The following FAM174B variants were observed in gnomAD, a reference collection of about 807,000 sequenced individuals.
FAM174B encodes family with sequence similarity 174 member B.
In FAM174B, 12 loss-of-function variants were observed where a neutral mutation model predicts 10.9. The observed-to-expected ratio is 1.10, with a 90% CI of 0.71 to 1.79. The LOEUF (loss-of-function observed/expected upper bound fraction) is 1.79. Ranked by LOEUF, FAM174B falls within the 40% of genes most tolerant of loss-of-function variation. The pLI is 0.00. For synonymous variants in FAM174B, 132 were observed against 115.8 expected, an observed-to-expected ratio of 1.14 and a Z score of -0.90; for missense variants, 266 against 233.3, an observed-to-expected ratio of 1.14 and a Z score of -0.91.
intron 1 of FAM174B, 96 bp from the exon 2 acceptor site, chr15:92,630,441 G>A (rs1346087656): frequency 8.3e-7 from 1 of 1,197,858 alleles, no homozygotes; most frequent in East Asian, 2.6e-5. Context: ...CTTAGCAGCT[G>A]GTGTTTAGTC....
At chr15:92,644,162 C>T (rs1253157559) in intron 1 of FAM174B, among the ~76,000 whole-genome samples, 1 of 152,148 alleles carries the variant, frequency 6.6e-6, no homozygotes, top group Non-Finnish European at 1.5e-5. Context: ...AGCCTCTGCC[C>T]CACCCTGTAA....
chr15:92,637,716 G>C (rs2050864921), intron 1 of FAM174B, among the ~76,000 whole-genome samples: 1 of 152,184 alleles, frequency 6.6e-6, no homozygotes, highest in South Asian at 2.1e-4. Flanking sequence ...CTTTCAATGA[G>C]GACAAACAAC....
chr15:92,636,392 G>A (rs2050856471), intron 1 of FAM174B, among the ~76,000 whole-genome samples: 2 of 152,182 alleles, frequency 1.3e-5, no homozygotes, highest in African/African-American at 4.8e-5. Context: ...GTGATCAAAT[G>A]TAAAACATCT....
At chr15:92,621,586 G>A (rs1041755529) in intron 2 of FAM174B, among the ~76,000 whole-genome samples, 1 of 149,664 alleles carries the variant, frequency 6.7e-6, no homozygotes, top group African/African-American at 2.5e-5. Flanking sequence ...ACTCCAGCCT[G>A]GGTGACAGAG....
At chr15:92,624,331 G>A (rs1226842655) in intron 2 of FAM174B, among the ~76,000 whole-genome samples, 1 of 152,174 alleles carries the variant, frequency 6.6e-6, no homozygotes, top group Non-Finnish European at 1.5e-5. Flanking sequence ...CACCGCCCAG[G>A]CAGCTGTCCA....
At chr15:92,628,266 G>C (rs2050766729) in intron 2 of FAM174B, among the ~76,000 whole-genome samples, 1 of 150,492 alleles carries the variant, frequency 6.6e-6, no homozygotes, top group Non-Finnish European at 1.5e-5. Flanking sequence ...CCAGGCTCCA[G>C]TGATCCTCCC....
Position 92,618,744 on chromosome 15 carries a change from G to GCACA in FAM174B, c.*708_*711dup, listed in dbSNP as rs10557124. 2.9e-4 allele frequency: 44 copies of GCACA among 150,652 alleles called. No homozygotes were observed. The highest frequency in any genetic ancestry group is 8.9e-4 in the Admixed American group (14 of 15,652). 9.3% of individuals were successfully genotyped at this position (150,652 alleles called of 1,614,324 possible). On this transcript the variant is annotated 3_prime_UTR_variant, in exon 3 of 3. Transcript: ENST00000327355. The stretch of plus-strand genomic sequence containing the variant: ...CACACACGTGCACACGCACACACGT[G>GCACA]CACACACACACACACACACACGCAC...
chr15:92,629,103 G>A (rs946994941), intron 2 of FAM174B, among the ~76,000 whole-genome samples: 1 of 152,150 alleles, frequency 6.6e-6, no homozygotes, highest in Non-Finnish European at 1.5e-5. Context: ...GCTGTGCTGA[G>A]GAACACAGGT....
intron 1 of FAM174B, chr15:92,655,105 G>A (rs1045139769): frequency 1.2e-5 from 6 of 519,116 alleles, no homozygotes; most frequent in African/African-American, 4.0e-5. Flanking sequence ...GTTAAAGAGA[G>A]GAAAGAAAAT....
chr15:92,654,335 G>A (rs1243306764), intron 1 of FAM174B, among the ~76,000 whole-genome samples: 1 of 152,168 alleles, frequency 6.6e-6, no homozygotes, highest in East Asian at 1.9e-4. Context: ...GAAGCAGAGG[G>A]AGGCAGCAGT....
At chr15:92,637,332 G>A (rs957603807) in intron 1 of FAM174B, among the ~76,000 whole-genome samples, 1 of 152,250 alleles carries the variant, frequency 6.6e-6, no homozygotes, top group Non-Finnish European at 1.5e-5. Context: ...CAATATGGTA[G>A]AGGGCAGATT....
chr15:92,630,602 A>G (rs374045058), intron 1 of FAM174B, among the ~76,000 whole-genome samples: 16 of 151,634 alleles, frequency 1.1e-4, no homozygotes, highest in African/African-American at 3.9e-4. Flanking sequence ...TGAGTGACCG[A>G]CCTCGCTAAC....
chr15:92,655,026 G>A (rs904857378), intron 1 of FAM174B: 4 of 277,516 alleles, frequency 1.4e-5, no homozygotes, highest in Non-Finnish European at 2.6e-5. Flanking sequence ...AATTCAGAGC[G>A]CTATTGTTAG....
At position 92,618,718 on chromosome 15, in the gene FAM174B, T is replaced by TCACACACGTGCACACG. The variant is rs545362469; in HGVS notation, c.*722_*737dup. 7.0e-6 allele frequency: 1 copy of TCACACACGTGCACACG among 142,834 alleles called. No homozygotes were observed. The highest frequency in any genetic ancestry group is 1.5e-5 in the Non-Finnish European group (1 of 66,280). 8.8% of individuals were successfully genotyped at this position (142,834 alleles called of 1,614,324 possible). ...AGAAGGAGAAACTGTTTTATAGGTA[T>TCACACACGTGCACACG]CACACACGTGCACACGCACACACGT... On this transcript the variant is annotated 3_prime_UTR_variant, in exon 3 of 3. Coordinates refer to ENST00000327355, the MANE Select transcript of FAM174B (RefSeq NM_207446.3).
At chr15:92,621,181 T>C (rs570302019) in intron 2 of FAM174B, among the ~76,000 whole-genome samples, 2 of 152,150 alleles carry the variant, frequency 1.3e-5, no homozygotes, top group African/African-American at 2.4e-5. Context: ...CACATACATA[T>C]ACACACGGAT....
intron 1 of FAM174B, among the ~76,000 whole-genome samples, chr15:92,633,704 T>C (rs892080955): frequency 6.6e-6 from 1 of 152,152 alleles, no homozygotes; most frequent in Non-Finnish European, 1.5e-5. Context: ...CCAGTAGCCC[T>C]GGGACAACAG....
At chr15:92,645,229 A>G (rs2050918533) in intron 1 of FAM174B, among the ~76,000 whole-genome samples, 1 of 152,214 alleles carries the variant, frequency 6.6e-6, no homozygotes, top group Admixed American at 6.5e-5. Context: ...TATTTATATA[A>G]TCTAGCTGCT....
chr15:92,653,612 C>T (rs1238127886), intron 1 of FAM174B, among the ~76,000 whole-genome samples: 1 of 152,230 alleles, frequency 6.6e-6, no homozygotes, highest in Admixed American at 6.5e-5. Context: ...AGTGCAGAAG[C>T]CAGCATGGCA....
At position 92,655,320 on chromosome 15, in the gene FAM174B, A is replaced by G; in HGVS notation, c.340T>C (p.Phe114Leu). The change falls in exon 1 of 3, where the codon TTC (phenylalanine) becomes CTC (leucine). Residue 114 changes from phenylalanine (F) to leucine (L), a missense_variant. Transcript: ENST00000327355. Reference sequence around the variant, plus strand: ...GAAGAGGGCGGGAGGGCCCACCTGAAGACGCGCAGCAGCAGGCAGGCGATG... The same window carrying G: ...GAAGAGGGCGGGAGGGCCCACCTGAGGACGCGCAGCAGCAGGCAGGCGATG... Reference protein sequence around the residue: ...LLIACLLLRVFRSGKRLKKTR... With the variant: ...LLIACLLLRVLRSGKRLKKTR... 2.6e-6 allele frequency: 4 copies of G among 1,559,610 alleles called. No individual in the cohort carries two copies. The highest frequency in any genetic ancestry group is 3.5e-6 in the Non-Finnish European group (4 of 1,152,058).
Sources: gnomAD v4.1 joint callset for allele counts (sites outside exome capture counted in the v4.1 genomes callset) on GRCh38, gnomAD v4.1.1 for gene constraint, MANE v1.5 for transcripts, NCBI Gene and HGNC (gene_info 2026-07-23, HGNC 2026-07-21) for gene names.